Variants in GPR158 observed in about 807,000 individuals in gnomAD.
GPR158 encodes metabotropic glycine receptor.
A neutral mutation model predicts 78.2 loss-of-function variants in GPR158; 30 were observed. The ratio of observed to expected loss-of-function variants is 0.38; its 90% CI spans 0.29 to 0.52. The LOEUF (loss-of-function observed/expected upper bound fraction) is 0.52, where lower values mean the gene tolerates loss of function less well. Ranked by LOEUF, GPR158 falls within the 20% of genes least tolerant of loss-of-function variation. GPR158 has a pLI of 0.83. For missense variants in GPR158, 1,463 were observed against 1,523.5 expected (o/e 0.96, Z 0.66); for synonymous variants, 581 against 591.1 (o/e 0.98, Z 0.25).
chr10:25,183,238 C>A (rs993747146), intron 1 of GPR158, among the ~76,000 whole-genome samples: 1 of 152,236 alleles, frequency 6.6e-6, no homozygotes, highest in Admixed American at 6.5e-5. Flanking sequence ...TGAAATACTT[C>A]AGTTTAGGAG....
intron 4 of GPR158, among the ~76,000 whole-genome samples, chr10:25,422,618 A>T (rs1385350302): frequency 3.3e-5 from 3 of 91,526 alleles, no homozygotes; most frequent in African/African-American, 9.6e-5. Context: ...TTCTCTTTTC[A>T]TTGTATTTGC....
At chr10:25,258,528 T>A (rs184002587) in intron 2 of GPR158, among the ~76,000 whole-genome samples, 1 of 152,262 alleles carries the variant, frequency 6.6e-6, no homozygotes, top group Non-Finnish European at 1.5e-5. Context: ...ATAGAAATAT[T>A]TTCTATAATT....
At chr10:25,303,870 G>A (rs772491930) in intron 2 of GPR158, among the ~76,000 whole-genome samples, 2 of 152,138 alleles carry the variant, frequency 1.3e-5, no homozygotes, top group Admixed American at 6.5e-5. Context: ...TGGCCTACAC[G>A]CAGCATGTGT....
intron 2 of GPR158, among the ~76,000 whole-genome samples, chr10:25,364,634 A>G (rs555511446): frequency 6.6e-6 from 1 of 151,950 alleles, no homozygotes; most frequent in Admixed American, 6.6e-5. Flanking sequence ...AGAGTTTCTC[A>G]GTGTTCCTGA....
intron 5 of GPR158, among the ~76,000 whole-genome samples, chr10:25,472,506 A>T (rs1053436538): frequency 6.6e-6 from 1 of 152,172 alleles, no homozygotes; most frequent in Admixed American, 6.5e-5. Context: ...GAAGAAAGTC[A>T]TTGGTAGCTG....
chr10:25,585,726 C>G (rs1174607291), intron 7 of GPR158, among the ~76,000 whole-genome samples: 3 of 152,190 alleles, frequency 2.0e-5, no homozygotes, highest in Non-Finnish European at 4.4e-5. Flanking sequence ...CGCCTGTAAT[C>G]CCAGCACTTT....
intron 5 of GPR158, among the ~76,000 whole-genome samples, chr10:25,522,727 A>G (rs1836294215): frequency 6.6e-6 from 1 of 152,230 alleles, no homozygotes; most frequent in Non-Finnish European, 1.5e-5. Flanking sequence ...GAAAACATGT[A>G]CTGGATGGCT....
chr10:25,316,734 A>G (rs1164005242), intron 2 of GPR158, among the ~76,000 whole-genome samples: 1 of 152,198 alleles, frequency 6.6e-6, no homozygotes, highest in Non-Finnish European at 1.5e-5. Context: ...GTTTTTCTCT[A>G]AAATTTAAAA....
At chr10:25,381,032 A>G (rs1834147584) in intron 2 of GPR158, among the ~76,000 whole-genome samples, 1 of 152,228 alleles carries the variant, frequency 6.6e-6, no homozygotes, top group Non-Finnish European at 1.5e-5. Context: ...GAATAAGTAT[A>G]GGACAGAGCC....
At chr10:25,344,161 G>A (rs1169229283) in intron 2 of GPR158, among the ~76,000 whole-genome samples, 2 of 151,872 alleles carry the variant, frequency 1.3e-5, no homozygotes, top group African/African-American at 4.8e-5. Flanking sequence ...AATTCAAAAT[G>A]GATCTGAAAA....
rs1564399858 is a variant in GPR158 at position 25,241,419 on chromosome 10, T to TCTCTTCTCTTCTCTTCTCTTC, written c.1008+20262_1008+20263insCTCTTCTCTTCTCTTCTCTTC. ...CTCTTCTCTTCTCTTCTCTTTTCTT[T>TCTCTTCTCTTCTCTTCTCTTC]TCTTTTCTTTTCTTTTCTTTCGACA... On this transcript the variant is annotated intron_variant, in intron 2 of 10. Transcript: ENST00000376351. 1.7e-3 allele frequency among the ~76,000 whole-genome samples: 148 copies of TCTCTTCTCTTCTCTTCTCTTC among 88,420 alleles called. 22 individuals carry two copies. The highest frequency in any genetic ancestry group is 7.9e-3 in the African/African-American group (146 of 18,402). 58.0% of individuals were successfully genotyped at this position (88,420 alleles called of 152,430 possible).
At chr10:25,327,431 C>T (rs945784136) in intron 2 of GPR158, among the ~76,000 whole-genome samples, 1 of 152,222 alleles carries the variant, frequency 6.6e-6, no homozygotes, top group Non-Finnish European at 1.5e-5. Context: ...TGCATTTCTG[C>T]TGTCAGCAGT....
At chr10:25,561,773 A>C (rs912456822) in intron 6 of GPR158, among the ~76,000 whole-genome samples, 1 of 152,198 alleles carries the variant, frequency 6.6e-6, no homozygotes, top group African/African-American at 2.4e-5. Flanking sequence ...ATTTGAGGGA[A>C]TCAACCATGA....
chr10:25,180,554 C>A (rs1564384218), intron 1 of GPR158, among the ~76,000 whole-genome samples: 1 of 152,054 alleles, frequency 6.6e-6, no homozygotes, highest in Non-Finnish European at 1.5e-5. Context: ...TCTTTTTGGG[C>A]CAACAATGCA....
At chr10:25,240,334 C>T (rs967600232) in intron 2 of GPR158, among the ~76,000 whole-genome samples, 1 of 152,158 alleles carries the variant, frequency 6.6e-6, no homozygotes, top group Non-Finnish European at 1.5e-5. Flanking sequence ...CATGGCAAAA[C>T]CCTGTCTCTA....
At chr10:25,435,170 T>C (rs1458437543) in intron 4 of GPR158, among the ~76,000 whole-genome samples, 1 of 152,152 alleles carries the variant, frequency 6.6e-6, no homozygotes, top group African/African-American at 2.4e-5. Flanking sequence ...GCATTGTTTA[T>C]AAATGATGAA....
At chr10:25,295,645 C>T (rs1418337019) in intron 2 of GPR158, among the ~76,000 whole-genome samples, 2 of 152,092 alleles carry the variant, frequency 1.3e-5, no homozygotes, top group East Asian at 3.9e-4. Context: ...AATCTTCTGA[C>T]CTCGTGATCC....
intron 4 of GPR158, among the ~76,000 whole-genome samples, chr10:25,439,162 AAAAG>A (rs1246106130): frequency 2.6e-5 from 4 of 152,216 alleles, no homozygotes; most frequent in Non-Finnish European, 5.9e-5. Context: ...GGCAATTTAC[AAAAG>A]AAAGAGATTT....
chr10:25,367,788 C>G (rs773459763), intron 2 of GPR158, among the ~76,000 whole-genome samples: 28 of 151,718 alleles, frequency 1.8e-4, no homozygotes, highest in Admixed American at 3.3e-4. Flanking sequence ...CCCTTTTAAA[C>G]TCTGGTAATG....
Sources: allele counts gnomAD v4.1 joint callset (sites outside exome capture counted in the v4.1 genomes callset), GRCh38; gene constraint gnomAD v4.1.1; transcripts MANE v1.5; gene names NCBI Gene and HGNC (gene_info 2026-07-23, HGNC 2026-07-21).